Variants in SRSF7 observed in about 807,000 individuals in gnomAD.
The protein encoded by SRSF7 is serine/arginine-rich splicing factor 7.
Under a neutral mutation model 42.2 loss-of-function variants are expected in SRSF7, and 15 were observed. The observed-to-expected ratio is 0.36, with a 90% CI of 0.24 to 0.55. The LOEUF is 0.55. SRSF7 is among the 20% of genes least tolerant of loss of function. The pLI, the probability that SRSF7 is intolerant of heterozygous loss-of-function variation, is 0.88. For missense variants in SRSF7, 181 were observed against 305.9 expected, an observed-to-expected ratio of 0.59 and a Z score of 3.04; for synonymous variants, 138 against 107.9, an observed-to-expected ratio of 1.28 and a Z score of -1.73.
At chr2:38,750,928 G>A (rs926125559) in intron 1 of SRSF7, 2 of 384,642 alleles carry the variant, frequency 5.2e-6, no homozygotes, top group South Asian at 2.9e-5. Flanking sequence ...GAGGGCGGGG[G>A]GGGAGGGGGG....
chr2:38,750,920 G>A (rs946141833), intron 1 of SRSF7: 4 of 385,568 alleles, frequency 1.0e-5, no homozygotes, highest in East Asian at 5.4e-5. Context: ...CCGCCGCCGA[G>A]GGCGGGGGGG....
In SRSF7 at chr2:38,748,667, T is replaced by C; in HGVS notation, c.387-14A>G. ...CTAGACCGTGACCTATTTTTCAAGT[T>C]AGAGAAAAAACAAAATGTCAGACAA... On this transcript the variant is annotated splice_polypyrimidine_tract_variant and intron_variant, in intron 3 of 7. Coordinates refer to ENST00000313117, the MANE Select transcript of SRSF7 (RefSeq NM_001031684.3). 5.0e-6 allele frequency: 8 copies of C among 1,613,158 alleles called. No homozygotes were observed. The African/African-American group carries it at 1.1e-4, about 22-fold the overall frequency.
In SRSF7 at chr2:38,743,900, T is replaced by TG; in HGVS notation, c.*1232_*1233insC. On this transcript the variant is annotated 3_prime_UTR_variant, in exon 8 of 8. Transcript: ENST00000313117. ...CTAGGTATCTGCGCAACCAGCAGGT[T>TG]TTTTTTTTTTTGTACCAAGGCTAGA... The TG allele has an allele frequency of 6.7e-6, 1 of 149,438 alleles. No individual in the cohort carries two copies. The highest frequency in any genetic ancestry group is 1.5e-5 in the Non-Finnish European group (1 of 67,210). The allele number at this position is 149,438 out of a possible 1,614,324, so 9.3% of individuals were successfully genotyped here. A position where few individuals can be genotyped will look rare whatever the true frequency, so the allele number is the denominator to read the frequency against.
chr2:38,748,430 C>A (rs1667803668), intron 4 of SRSF7, 149 bp downstream of exon 4: 1 of 789,902 alleles, frequency 1.3e-6, no homozygotes, highest in Non-Finnish European at 2.1e-6. Flanking sequence ...ATCATCAAGG[C>A]AGCAGTGAGT....
At chr2:38,745,493 G>C (rs988963618) in intron 7 of SRSF7, among the ~76,000 whole-genome samples, 4 of 151,872 alleles carry the variant, frequency 2.6e-5, no homozygotes, top group Admixed American at 2.6e-4. Flanking sequence ...GTCTCTACTA[G>C]AAATACAAAA....
intron 7 of SRSF7, among the ~76,000 whole-genome samples, chr2:38,745,406 A>C (rs1667214442): frequency 6.6e-6 from 1 of 152,168 alleles, no homozygotes; most frequent in African/African-American, 2.4e-5. Flanking sequence ...TAACCCCAGC[A>C]CTTTGGGAGA....
Position 38,744,996 on chromosome 2 carries a change from G to T in SRSF7, c.*137C>A. On this transcript the variant is annotated 3_prime_UTR_variant, in exon 8 of 8. Coordinates refer to ENST00000313117, the MANE Select transcript of SRSF7 (RefSeq NM_001031684.3). Reference sequence around the variant, plus strand: ...AAAATTTATATTATCTTACTGCTGTGAATTTACATAGTAATCCAGATCCAT... The same window carrying T: ...AAAATTTATATTATCTTACTGCTGTTAATTTACATAGTAATCCAGATCCAT... 2 of 822,036 alleles carry T rather than the reference G, an allele frequency of 2.4e-6. No individual in the cohort carries two copies. Among genetic ancestry groups the T allele is most frequent in the Admixed American group, 2.6e-5 (1 of 38,950 alleles). 50.9% of individuals were successfully genotyped at this position (822,036 alleles called of 1,614,324 possible). A position where few individuals can be genotyped will look rare whatever the true frequency, so the allele number is the denominator to read the frequency against.
intron 1 of SRSF7, 25 bp from the exon 2 acceptor site, chr2:38,750,219 A>G: frequency 1.9e-6 from 3 of 1,573,806 alleles, no homozygotes; most frequent in Non-Finnish European, 2.6e-6. Context: ...AAATAGAAGA[A>G]TGCACGTTAC....
At chr2:38,746,979 A>G (rs576417649) in intron 5 of SRSF7, 79 of 681,736 alleles carry the variant, frequency 1.2e-4, no homozygotes, top group Non-Finnish European at 2.0e-4. Flanking sequence ...GTACAGGTAT[A>G]ACATTCTCAA....
intron 5 of SRSF7, chr2:38,747,052 C>A: frequency 1.9e-6 from 1 of 529,074 alleles, no homozygotes; most frequent in Non-Finnish European, 3.8e-6. Flanking sequence ...ATGAAGGAAG[C>A]AAAACTAACC....
intron 5 of SRSF7, 34 bp downstream of exon 5, chr2:38,748,013 C>G (rs775818644): frequency 4.1e-5 from 62 of 1,501,740 alleles, no homozygotes; most frequent in Non-Finnish European, 5.6e-5. Context: ...TGTGAACAAT[C>G]CAAACACAAG....
intron 1 of SRSF7, 44 bp downstream of exon 1, chr2:38,751,185 A>C: frequency 1.2e-6 from 2 of 1,613,292 alleles, no homozygotes; most frequent in Non-Finnish European, 1.7e-6. Context: ...CGCAGTGCTC[A>C]CTACACCCAC....
At chr2:38,751,132 G>T in intron 1 of SRSF7, 97 bp downstream of exon 1, 1 of 1,531,862 alleles carries the variant, frequency 6.5e-7, no homozygotes, top group Non-Finnish European at 9.0e-7. Flanking sequence ...CATTACGCAC[G>T]CGGAATAACC....
rs764294637 is a variant in SRSF7 at position 38,749,518 on chromosome 2, A to G, written c.386+11T>C. On this transcript the variant is annotated intron_variant, in intron 3 of 7. Transcript: ENST00000313117. ...CTAGAATACCAACCATTCCTTTATTAAAATAAATACCTGCTTCTTCTTCGC... is the reference window on the plus strand; with the variant it reads ...CTAGAATACCAACCATTCCTTTATTGAAATAAATACCTGCTTCTTCTTCGC... The G allele has an allele frequency of 2.0e-6, 3 of 1,519,592 alleles. No individual in the cohort carries two copies. 94.1% of individuals were successfully genotyped at this position (1,519,592 alleles called of 1,614,324 possible).
At chr2:38,751,046 T>C (rs1038702713) in intron 1 of SRSF7, 183 bp downstream of exon 1, 4 of 708,344 alleles carry the variant, frequency 5.6e-6, no homozygotes, top group Non-Finnish European at 9.8e-6. Context: ...GGCAGAGATG[T>C]ACACCCGCCA....
intron 4 of SRSF7, 24 bp downstream of exon 4, chr2:38,748,555 G>T: frequency 1.2e-6 from 2 of 1,607,256 alleles, no homozygotes; most frequent in Non-Finnish European, 1.7e-6. Context: ...AATACAGAAA[G>T]ACTTCAGTTA....
chr2:38,749,804 C>G (rs1405734565), intron 2 of SRSF7, 99 bp from the exon 3 acceptor site: 8 of 1,348,900 alleles, frequency 5.9e-6, no homozygotes, highest in Middle Eastern at 2.6e-4. Context: ...TTTCCAACCA[C>G]TCCTTCCCCC....
intron 4 of SRSF7, 137 bp downstream of exon 4, chr2:38,748,442 G>A (rs958561087): frequency 2.6e-5 from 22 of 849,118 alleles, no homozygotes; most frequent in Admixed American, 8.4e-5. Flanking sequence ...GCAGTGAGTC[G>A]TGGTTATGCC....
chr2:38,751,325 A>G lies in SRSF7; in HGVS notation c.-69T>C. Reference sequence around the variant, plus strand: ...GGGCTCGAGTGACGCAAAAGCTGACACACACCTTCACCCGCCAAGAGTCCC... The same window carrying G: ...GGGCTCGAGTGACGCAAAAGCTGACGCACACCTTCACCCGCCAAGAGTCCC... On this transcript the variant is annotated 5_prime_UTR_variant, in exon 1 of 8. Coordinates refer to ENST00000313117, the MANE Select transcript of SRSF7 (RefSeq NM_001031684.3). The G allele has an allele frequency of 5.5e-5, 89 of 1,605,558 alleles. No individual in the cohort carries two copies. The highest frequency in any genetic ancestry group is 6.9e-5 in the Non-Finnish European group (81 of 1,174,104).
Sources: allele counts gnomAD v4.1 joint callset (sites outside exome capture counted in the v4.1 genomes callset), GRCh38; gene constraint gnomAD v4.1.1; transcripts MANE v1.5; gene names NCBI Gene and HGNC (gene_info 2026-07-23, HGNC 2026-07-21).